The following HECW1 variants were observed in gnomAD, a reference collection of about 807,000 sequenced individuals.
HECW1 encodes E3 ubiquitin-protein ligase HECW1.
HECW1 carries 61 observed loss-of-function variants against 182.3 expected under a neutral mutation model. The observed-to-expected ratio is 0.33, with a 90% confidence interval of 0.27 to 0.41. The LOEUF is 0.41. Ranked by LOEUF, HECW1 falls within the 10% of genes least tolerant of loss-of-function variation. HECW1 has a pLI of 1.00. For missense variants in HECW1, 1,739 were observed against 2,108.9 expected, an observed-to-expected ratio of 0.82 and a Z score of 3.44; for synonymous variants, 859 against 832.6, an observed-to-expected ratio of 1.03 and a Z score of -0.55.
intron 3 of HECW1, among the ~76,000 whole-genome samples, chr7:43,250,822 G>C (rs1370995491): frequency 6.6e-6 from 1 of 152,052 alleles, no homozygotes; most frequent in Non-Finnish European, 1.5e-5. Context: ...CAGAATCTTA[G>C]CTTCTCTTGA....
At chr7:43,429,022 A>G (rs1196422531) in intron 8 of HECW1, among the ~76,000 whole-genome samples, 1 of 150,408 alleles carries the variant, frequency 6.6e-6, no homozygotes, top group Non-Finnish European at 1.5e-5. Context: ...TAATATACAA[A>G]TTTTACATAT....
intron 3 of HECW1, among the ~76,000 whole-genome samples, chr7:43,287,885 C>G (rs1370312494): frequency 6.6e-6 from 1 of 152,146 alleles, no homozygotes; most frequent in Non-Finnish European, 1.5e-5. Context: ...ATTAAGGATG[C>G]CTCTAGGTGT....
At chr7:43,385,314 C>T (rs943222699) in intron 6 of HECW1, among the ~76,000 whole-genome samples, 3 of 124,924 alleles carry the variant, frequency 2.4e-5, no homozygotes, top group Non-Finnish European at 3.4e-5. Flanking sequence ...TCCCCTCCTG[C>T]GTACTGACAG....
chr7:43,206,553 G>C (rs192800039), intron 2 of HECW1, among the ~76,000 whole-genome samples: 6 of 152,162 alleles, frequency 3.9e-5, no homozygotes, highest in Admixed American at 3.9e-4. Flanking sequence ...TTTTTAAGAG[G>C]CGTAATTAAC....
At chr7:43,536,688 G>A (rs778901486) in intron 24 of HECW1, among the ~76,000 whole-genome samples, 1 of 152,140 alleles carries the variant, frequency 6.6e-6, no homozygotes, top group Non-Finnish European at 1.5e-5. Context: ...AGGGAGCCAG[G>A]GTGCCCAACA....
At chr7:43,473,290 C>G (rs918125239) in intron 16 of HECW1, among the ~76,000 whole-genome samples, 1 of 152,156 alleles carries the variant, frequency 6.6e-6, no homozygotes, top group Non-Finnish European at 1.5e-5. Context: ...GGATCATGAG[C>G]CAAATAAACC....
At chr7:43,347,523 CTT>C (rs1813840108) in intron 5 of HECW1, among the ~76,000 whole-genome samples, 1 of 151,912 alleles carries the variant, frequency 6.6e-6, no homozygotes, top group Non-Finnish European at 1.5e-5. Flanking sequence ...ATTTCTTTCT[CTT>C]GTCTGATTGC....
chr7:43,493,084 C>T lies in HECW1; in HGVS notation c.3341C>T (p.Ala1114Val), dbSNP rs377720223. ...SQHQHESLPL[A>V]YNDKIVAFLR... is the part of the protein sequence containing the mutation. ...ACAACTGTGCTTTTGTCTGTTTCAG[C>T]ATATAATGACAAGATTGTGGCATTT... Residue 1114 changes from alanine (A) to valine (V), a missense_variant and splice_region_variant, in exon 19 of 30, where the codon GCA (alanine) becomes GTA (valine). By Grantham distance (64) the Ala-to-Val change is moderately conservative (BLOSUM62 0). Transcript: ENST00000395891. 2.5e-6 allele frequency: 4 copies of T among 1,608,618 alleles called. No homozygotes were observed. The highest frequency in any genetic ancestry group is 3.4e-6 in the Non-Finnish European group (4 of 1,175,436).
In HECW1 at chr7:43,209,550, A is replaced by G. The variant is rs150305486; in HGVS notation, c.-31-34325A>G. On this transcript the variant is annotated intron_variant, in intron 2 of 29. Transcript: ENST00000395891. ...TCTCTCTCTCTCCTGTCTCAAAGAG[A>G]TTAGAATTTGCAAGAAAGAGCCTCC... Among the ~76,000 whole-genome samples the G allele has an allele frequency of 5.3e-3, 813 of 152,240 alleles. 4 individuals carry two copies. The highest frequency in any genetic ancestry group is 7.7e-3 in the Non-Finnish European group (522 of 68,020).
chr7:43,164,543 T>C (rs1004449374), intron 2 of HECW1, among the ~76,000 whole-genome samples: 1 of 152,202 alleles, frequency 6.6e-6, no homozygotes, highest in South Asian at 2.1e-4. Context: ...GCACCCCTCC[T>C]GTGCTCCCCA....
intron 2 of HECW1, among the ~76,000 whole-genome samples, chr7:43,144,819 A>G (rs1022733779): frequency 4.6e-5 from 7 of 152,166 alleles, no homozygotes; most frequent in African/African-American, 1.7e-4. Context: ...GTGGAATAGA[A>G]TCAGACATCA....
intron 2 of HECW1, among the ~76,000 whole-genome samples, chr7:43,216,737 C>T (rs1047289099): frequency 6.6e-6 from 1 of 152,088 alleles, no homozygotes; most frequent in Admixed American, 6.5e-5. Context: ...TCACTGCAAC[C>T]TCTGCCTTCC....
intron 3 of HECW1, among the ~76,000 whole-genome samples, chr7:43,288,738 C>T (rs1050848654): frequency 5.9e-5 from 9 of 152,214 alleles, no homozygotes; most frequent in Non-Finnish European, 1.3e-4. Flanking sequence ...CACCCACCCT[C>T]TCTTGTCAGA....
At position 43,550,567 on chromosome 7, in the gene HECW1, G is replaced by A. The variant is rs748537888; in HGVS notation, c.4371G>A (p.Glu1457=). The A allele has an allele frequency of 6.2e-7, 1 of 1,608,590 alleles. No individual in the cohort carries two copies. Among genetic ancestry groups the A allele is most frequent in the Non-Finnish European group, 8.5e-7 (1 of 1,177,596 alleles). The part of the protein sequence containing the change: ...RVERGVVQQT[E]ALVRGFYEVV... ...AGCGCGGCGTGGTACAGCAGACCGA[G>A]GCGCTGGTGCGCGGCTTCTACGAGG... The change falls in exon 27 of 30, where the codon GAG becomes GAA. Residue 1457 remains glutamate (E), a synonymous_variant. Coordinates refer to ENST00000395891, the MANE Select transcript of HECW1 (RefSeq NM_015052.5).
chr7:43,532,282 C>T (rs561401312), intron 24 of HECW1, among the ~76,000 whole-genome samples: 1 of 152,256 alleles, frequency 6.6e-6, no homozygotes, highest in Admixed American at 6.5e-5. Context: ...CACTACCACC[C>T]CCAGTATAAG....
chr7:43,561,002 A>G (rs73693032), intron 29 of HECW1, among the ~76,000 whole-genome samples: 2,013 of 152,310 alleles, frequency 0.013, 56 homozygotes, highest in African/African-American at 0.046. Flanking sequence ...TGTAAAAACA[A>G]AGAACTTCTG....
At chr7:43,201,807 A>G (rs1373046100) in intron 2 of HECW1, among the ~76,000 whole-genome samples, 1 of 152,204 alleles carries the variant, frequency 6.6e-6, no homozygotes, top group Non-Finnish European at 1.5e-5. Context: ...AAAAAAATAT[A>G]TGCTTGAAGA....
intron 5 of HECW1, among the ~76,000 whole-genome samples, chr7:43,331,033 C>T (rs1389540911): frequency 1.3e-5 from 2 of 152,052 alleles, no homozygotes; most frequent in East Asian, 1.9e-4. Context: ...ATGTGCACAA[C>T]GTGCAGGTTT....
At chr7:43,156,462 A>T (rs931177652) in intron 2 of HECW1, among the ~76,000 whole-genome samples, 1 of 152,210 alleles carries the variant, frequency 6.6e-6, no homozygotes, top group African/African-American at 2.4e-5. Flanking sequence ...AATTAATATG[A>T]ATTTTGCCAC....
Sources: allele counts gnomAD v4.1 joint callset (sites outside exome capture counted in the v4.1 genomes callset), GRCh38; gene constraint gnomAD v4.1.1; transcripts MANE v1.5; gene names NCBI Gene and HGNC (gene_info 2026-07-23, HGNC 2026-07-21).